EXOC2: variants seen among roughly 807,000 people sequenced by gnomAD.
The protein encoded by EXOC2 is SEC5-like 1.
A neutral mutation model predicts 131.8 loss-of-function variants in EXOC2; 70 were observed. The ratio of observed to expected loss-of-function variants is 0.53; its 90% CI spans 0.44 to 0.65. The LOEUF (loss-of-function observed/expected upper bound fraction) is 0.65, where lower values mean the gene tolerates loss of function less well. EXOC2 is among the 30% of genes least tolerant of loss of function. The pLI, the probability that EXOC2 is intolerant of heterozygous loss-of-function variation, is 0.00. For missense variants in EXOC2, 923 were observed against 1,108.6 expected (o/e 0.83, Z 2.38); for synonymous variants, 411 against 398.4 (o/e 1.03, Z -0.38).
At chr6:522,393 GCAC>G (rs1765517781) in intron 23 of EXOC2, among the ~76,000 whole-genome samples, 1 of 150,558 alleles carries the variant, frequency 6.6e-6, no homozygotes, top group African/African-American at 2.5e-5. Flanking sequence ...CGTGTGGGGA[GCAC>G]TGTGAGCTGG....
chr6:615,845 G>A (rs561761972), intron 6 of EXOC2, among the ~76,000 whole-genome samples: 1 of 152,084 alleles, frequency 6.6e-6, no homozygotes, highest in Non-Finnish European at 1.5e-5. Flanking sequence ...TTTGAATCTT[G>A]ATTTGGACAT....
At chr6:565,024 G>C in intron 13 of EXOC2, 95 bp from the exon 14 acceptor site, 1 of 893,982 alleles carries the variant, frequency 1.1e-6, no homozygotes, top group East Asian at 2.8e-5. Flanking sequence ...ATTAAATATG[G>C]TTATAACTTG....
At chr6:692,760 G>C (rs1443820597) in intron 1 of EXOC2, among the ~76,000 whole-genome samples, 2 of 152,076 alleles carry the variant, frequency 1.3e-5, no homozygotes, top group African/African-American at 2.4e-5. Flanking sequence ...GCCCCTCACC[G>C]GCGCAGGTGG....
intron 22 of EXOC2, among the ~76,000 whole-genome samples, chr6:548,459 C>G (rs1429009515): frequency 6.6e-6 from 1 of 152,168 alleles, no homozygotes; most frequent in Non-Finnish European, 1.5e-5. Flanking sequence ...ACCAATCAAC[C>G]TTAATAACAA....
Position 592,440 on chromosome 6 carries a change from A to G in EXOC2, c.1192+29T>C, listed in dbSNP as rs199991062. On this transcript the variant is annotated intron_variant, in intron 11 of 27. Coordinates refer to ENST00000230449, the MANE Select transcript of EXOC2 (RefSeq NM_018303.6). ...TGCATCAAAATGACATGAAGGAATC[A>G]CACAACACATTGGAAGAGAAATCCT... 8.7e-4 allele frequency: 1,365 copies of G among 1,575,786 alleles called. 1 individual carries two copies. Among genetic ancestry groups the G allele is most frequent in the Non-Finnish European group, 9.5e-4 (1,085 of 1,145,926 alleles).
In EXOC2 at chr6:486,575, C is replaced by CT; in HGVS notation, c.*95_*96insA. On this transcript the variant is annotated 3_prime_UTR_variant, in exon 28 of 28. Transcript: ENST00000230449. ...GAAGAAAAAAGAGAAAAATGGCAAA[C>CT]CCAATGTTTAATACACCAAATACCT... The CT allele has an allele frequency of 8.9e-7, 1 of 1,120,588 alleles. No homozygotes were observed. Among genetic ancestry groups the CT allele is most frequent in the South Asian group, 1.5e-5 (1 of 65,792 alleles). 69.4% of individuals were successfully genotyped at this position (1,120,588 alleles called of 1,614,324 possible).
chr6:581,785 T>C (rs1758919915), intron 11 of EXOC2, among the ~76,000 whole-genome samples: 1 of 152,164 alleles, frequency 6.6e-6, no homozygotes. Flanking sequence ...AAGACACAAC[T>C]GTTTTTAACT....
At chr6:486,985 A>G (rs1763107013) in intron 27 of EXOC2, among the ~76,000 whole-genome samples, 1 of 152,246 alleles carries the variant, frequency 6.6e-6, no homozygotes, top group Non-Finnish European at 1.5e-5. Context: ...GTACAGAAAC[A>G]TCTCCTTCCT....
intron 1 of EXOC2, among the ~76,000 whole-genome samples, chr6:638,452 T>C (rs9504550): frequency 1.3e-5 from 2 of 152,214 alleles, no homozygotes; most frequent in Non-Finnish European, 2.9e-5. Context: ...AAAAGTGTAG[T>C]TTCTGAGACC....
intron 1 of EXOC2, among the ~76,000 whole-genome samples, chr6:644,509 A>G (rs1762493381): frequency 6.6e-6 from 1 of 152,106 alleles, no homozygotes; most frequent in African/African-American, 2.4e-5. Context: ...GCAGTGCAAT[A>G]GGGCGAATTA....
At chr6:602,945 G>C (rs1222353066) in intron 7 of EXOC2, among the ~76,000 whole-genome samples, 2 of 152,168 alleles carry the variant, frequency 1.3e-5, no homozygotes, top group Non-Finnish European at 1.5e-5. Context: ...CTTTGTATGT[G>C]CCAGGAACTC....
chr6:522,276 G>A lies in EXOC2; in HGVS notation c.2380+10193C>T, dbSNP rs1765509811. ...GGCCTCAGGCAGGTCCACGCGGACTGCAGGACAGCGTGTGGGGGAGCATTG... is the reference window on the plus strand; with the variant it reads ...GGCCTCAGGCAGGTCCACGCGGACTACAGGACAGCGTGTGGGGGAGCATTG... On this transcript the variant is annotated intron_variant, in intron 23 of 27. Coordinates refer to ENST00000230449, the MANE Select transcript of EXOC2 (RefSeq NM_018303.6). 2.6e-5 allele frequency among the ~76,000 whole-genome samples: 4 copies of A among 151,814 alleles called. 1 individual carries two copies. In the South Asian group the frequency reaches 8.4e-4, roughly 32 times the overall value.
intron 23 of EXOC2, among the ~76,000 whole-genome samples, chr6:504,219 G>T (rs28613208): frequency 1.3e-5 from 2 of 152,194 alleles, no homozygotes; most frequent in African/African-American, 2.4e-5. Context: ...GGACGGTGAC[G>T]TACGGTGATG....
In EXOC2 at chr6:598,031, G is replaced by A. The variant is rs756524921; in HGVS notation, c.1063C>T (p.Arg355Cys). 13 of 1,611,586 alleles carry A rather than the reference G, an allele frequency of 8.1e-6. No homozygotes were observed. The highest frequency in any genetic ancestry group is 1.3e-5 in the African/African-American group (1 of 74,868). The change falls in exon 10 of 28, where the codon CGT becomes TGT. Residue 355 changes from arginine (R) to cysteine (C), a missense_variant. By Grantham distance (180) the Arg-to-Cys change is radical. Transcript: ENST00000230449. ...ETPSTLHDQK[R>C]YIRYLSDLHA... ...TTGCAGAAGATTTACCTTATGTAAC[G>A]TTTTTGGTCATGTAAAGTTGATGGT...
chr6:678,961 A>G (rs2127793957), intron 1 of EXOC2, among the ~76,000 whole-genome samples: 1 of 152,310 alleles, frequency 6.6e-6, no homozygotes, highest in East Asian at 1.9e-4. Context: ...GAGTTAAAGA[A>G]TTCCTGGTGA....
At chr6:507,270 TACAC>T (rs1196317496) in intron 23 of EXOC2, among the ~76,000 whole-genome samples, 8 of 60,298 alleles carry the variant, frequency 1.3e-4, no homozygotes, top group East Asian at 5.5e-4. Flanking sequence ...CAGCAGTGAC[TACAC>T]ACACACACAC....
chr6:689,634 T>C (rs1403645963), intron 1 of EXOC2, among the ~76,000 whole-genome samples: 1 of 152,242 alleles, frequency 6.6e-6, no homozygotes, highest in Admixed American at 6.5e-5. Flanking sequence ...TCTTAGCTAT[T>C]CTTTAATTGA....
intron 1 of EXOC2, chr6:669,534 TTGAC>T (rs1173292572): frequency 6.6e-6 from 1 of 152,284 alleles, no homozygotes; most frequent in African/African-American, 2.4e-5. Context: ...GGCAGGCACT[TTGAC>T]TGTTCTGCTG....
intron 1 of EXOC2, among the ~76,000 whole-genome samples, chr6:668,628 T>C (rs1218022202): frequency 1.3e-5 from 2 of 152,160 alleles, no homozygotes; most frequent in African/African-American, 2.4e-5. Context: ...TCGTACCCCA[T>C]GTATACTTAT....
Sources: allele counts gnomAD v4.1 joint callset (sites outside exome capture counted in the v4.1 genomes callset), GRCh38; gene constraint gnomAD v4.1.1; transcripts MANE v1.5; gene names NCBI Gene and HGNC (gene_info 2026-07-23, HGNC 2026-07-21).